RAB22A: variants seen among roughly 807,000 people sequenced by gnomAD.
RAB22A encodes the protein ras-related protein Rab-22A.
In RAB22A, 13 loss-of-function variants were observed where a neutral mutation model predicts 30.2. The observed-to-expected ratio is 0.43, with a 90% CI of 0.28 to 0.68. The LOEUF (loss-of-function observed/expected upper bound fraction) is 0.68. RAB22A is among the 30% of genes least tolerant of loss of function. The pLI is 0.18. For missense variants in RAB22A, 177 were observed against 246.8 expected, an observed-to-expected ratio of 0.72 and a Z score of 1.89; for synonymous variants, 89 against 87.2, an observed-to-expected ratio of 1.02 and a Z score of -0.11.
intron 6 of RAB22A, among the ~76,000 whole-genome samples, chr20:58,356,731 T>C (rs565259364): frequency 6.6e-6 from 1 of 152,344 alleles, no homozygotes; most frequent in South Asian, 2.1e-4. Context: ...TTAAAAACAC[T>C]CTGTTTCCTC....
In RAB22A at chr20:58,366,196, A is replaced by G. The variant is rs570740740; in HGVS notation, c.*6493A>G. ...TTTCTGTGGGCTCTCCCTTAAAGAC[A>G]CATGGCCACAGACACCTCCTTCGCA... On this transcript the variant is annotated 3_prime_UTR_variant, in exon 7 of 7. Coordinates refer to ENST00000244040, the MANE Select transcript of RAB22A (RefSeq NM_020673.3). 4 of 152,258 alleles carry G rather than the reference A, an allele frequency of 2.6e-5. No individual in the cohort carries two copies. The East Asian group carries it at 7.7e-4, about 29-fold the overall frequency. The allele number at this position is 152,258 out of a possible 1,614,324, so 9.4% of individuals were successfully genotyped here. A position where few individuals can be genotyped will look rare whatever the true frequency, so the allele number is the denominator to read the frequency against.
chr20:58,352,385 G>A (rs1387354622), intron 3 of RAB22A, among the ~76,000 whole-genome samples: 1 of 152,158 alleles, frequency 6.6e-6, no homozygotes, highest in Non-Finnish European at 1.5e-5. Flanking sequence ...AGTGTCATCA[G>A]ATCATAAGTA....
intron 1 of RAB22A, 68 bp downstream of exon 1, chr20:58,310,080 C>G (rs1568861720): frequency 1.1e-5 from 13 of 1,230,968 alleles, no homozygotes; most frequent in Non-Finnish European, 1.3e-5. Context: ...CGGATCCCCC[C>G]TGTCCCCTCA....
At position 58,363,882 on chromosome 20, in the gene RAB22A, T is replaced by C. The variant is rs1448099311; in HGVS notation, c.*4179T>C. ...AACAAATTTATCCATGAGATAAACA[T>C]CATATTTTATAGTTTTAGAAAAAAG... On this transcript the variant is annotated 3_prime_UTR_variant, in exon 7 of 7. Coordinates refer to ENST00000244040, the MANE Select transcript of RAB22A (RefSeq NM_020673.3). 6.6e-6 allele frequency: 1 copy of C among 152,448 alleles called. No individual in the cohort carries two copies. The highest frequency in any genetic ancestry group is 1.5e-5 in the Non-Finnish European group (1 of 68,046). The allele number at this position is 152,448 out of a possible 1,614,324, so 9.4% of individuals were successfully genotyped here.
chr20:58,353,593 A>G (rs1015249064), intron 5 of RAB22A, 55 bp downstream of exon 5: 4 of 1,354,318 alleles, frequency 3.0e-6, no homozygotes, highest in Non-Finnish European at 3.1e-6. Flanking sequence ...TTTTCTTAAT[A>G]AGCAATATCC....
intron 2 of RAB22A, among the ~76,000 whole-genome samples, chr20:58,329,449 CG>C (rs932417928): frequency 6.6e-6 from 1 of 152,148 alleles, no homozygotes; most frequent in African/African-American, 2.4e-5. Context: ...TCCTGGCCTT[CG>C]TTGTTTTTGT....
At chr20:58,333,503 G>T (rs891102664) in intron 2 of RAB22A, among the ~76,000 whole-genome samples, 1 of 151,238 alleles carries the variant, frequency 6.6e-6, no homozygotes, top group Non-Finnish European at 1.5e-5. Flanking sequence ...AACACTATTG[G>T]CTTTAAATAT....
At chr20:58,332,427 A>C (rs916528101) in intron 2 of RAB22A, among the ~76,000 whole-genome samples, 21 of 152,188 alleles carry the variant, frequency 1.4e-4, no homozygotes, top group Non-Finnish European at 2.9e-5. Flanking sequence ...ACAGCAGCCA[A>C]GGTGCAAGAA....
At chr20:58,337,005 ATCT>A (rs1292994920) in intron 2 of RAB22A, among the ~76,000 whole-genome samples, 1 of 152,076 alleles carries the variant, frequency 6.6e-6, no homozygotes, top group Non-Finnish European at 1.5e-5. Context: ...GTCCTCGCCC[ATCT>A]TCTCCCTCAA....
intron 2 of RAB22A, among the ~76,000 whole-genome samples, chr20:58,334,177 A>C (rs1332326047): frequency 6.6e-6 from 1 of 152,026 alleles, no homozygotes; most frequent in Non-Finnish European, 1.5e-5. Flanking sequence ...CTAAAAACAC[A>C]AAAAAACATT....
At chr20:58,337,098 A>G (rs2044867669) in intron 2 of RAB22A, among the ~76,000 whole-genome samples, 2 of 152,170 alleles carry the variant, frequency 1.3e-5, no homozygotes, top group South Asian at 2.1e-4. Context: ...GCTTTAACAC[A>G]TCACAGCAAA....
chr20:58,325,833 T>C (rs1986561300), intron 2 of RAB22A, among the ~76,000 whole-genome samples: 1 of 152,236 alleles, frequency 6.6e-6, no homozygotes, highest in South Asian at 2.1e-4. Flanking sequence ...AGTGCTGTGT[T>C]CTCTGAATGG....
At chr20:58,323,193 C>T (rs1205468226) in intron 2 of RAB22A, among the ~76,000 whole-genome samples, 1 of 151,908 alleles carries the variant, frequency 6.6e-6, no homozygotes, top group Non-Finnish European at 1.5e-5. Flanking sequence ...GACATCTTTC[C>T]AAGGGGTTTG....
rs1223824585 is a variant in RAB22A, at chr20:58,361,200, C to G, written c.*1497C>G. ...GAGTATTGTAGGGGAAGGAAATTTA[C>G]AAGATTTAATAGGAAATGAAACAGC... is the stretch of plus-strand genomic sequence containing the variant. On this transcript the variant is annotated 3_prime_UTR_variant, in exon 7 of 7. Transcript: ENST00000244040. The G allele has an allele frequency of 6.6e-6, 1 of 152,502 alleles. No individual in the cohort carries two copies. The highest frequency in any genetic ancestry group is 1.5e-5 in the Non-Finnish European group (1 of 68,008). 9.4% of individuals were successfully genotyped at this position (152,502 alleles called of 1,614,324 possible).
At chr20:58,341,868 G>A (rs1250000296) in intron 2 of RAB22A, among the ~76,000 whole-genome samples, 1 of 152,168 alleles carries the variant, frequency 6.6e-6, no homozygotes, top group East Asian at 1.9e-4. Flanking sequence ...CAAAATGGAA[G>A]TGTTGGATGT....
Position 58,325,358 on chromosome 20 carries a change from T to C in RAB22A, c.116+14236T>C, listed in dbSNP as rs182565276. On this transcript the variant is annotated intron_variant, in intron 2 of 6. Coordinates refer to ENST00000244040, the MANE Select transcript of RAB22A (RefSeq NM_020673.3). ...TGGGTGTGGTGGTACATGCCTGTAATCCCAGCTACTGGGGAGGCTGAGGCA... is the reference window on the plus strand; with the variant it reads ...TGGGTGTGGTGGTACATGCCTGTAACCCCAGCTACTGGGGAGGCTGAGGCA... 7.3e-3 allele frequency among the ~76,000 whole-genome samples: 1,107 copies of C among 152,092 alleles called. 13 individuals are homozygous for C. The highest frequency in any genetic ancestry group is 0.025 in the African/African-American group (1,051 of 41,492).
In RAB22A at chr20:58,309,981, C is replaced by T. The variant is rs1204562790; in HGVS notation, c.5C>T (p.Ala2Val). The stretch of plus-strand genomic sequence containing the variant: ...CGCGCCCCTGGCTCCCGGGCCATGG[C>T]GCTGAGGGAGCTCAAAGTGTGTCTG... M[A>V]LRELKVCLLG... The change falls in exon 1 of 7, where the codon GCG becomes GTG. Residue 2 changes from alanine to valine, a missense_variant. Transcript: ENST00000244040. 4 of 1,272,226 alleles carry T rather than the reference C, an allele frequency of 3.1e-6. No individual in the cohort carries two copies. The highest frequency in any genetic ancestry group is 3.1e-5 in the African/African-American group (2 of 64,772). The allele number at this position is 1,272,226 out of a possible 1,614,324, so 78.8% of individuals were successfully genotyped here.
At chr20:58,335,573 A>G (rs1986735293) in intron 2 of RAB22A, among the ~76,000 whole-genome samples, 1 of 152,218 alleles carries the variant, frequency 6.6e-6, no homozygotes, top group East Asian at 1.9e-4. Context: ...GAAACTGTAT[A>G]TGCATGTGCT....
chr20:58,353,926 G>A (rs1987093863), intron 5 of RAB22A, among the ~76,000 whole-genome samples: 1 of 152,154 alleles, frequency 6.6e-6, no homozygotes, highest in South Asian at 2.1e-4. Context: ...AGAAAACCCT[G>A]CCATCCCTAA....
Sources: allele counts gnomAD v4.1 joint callset (sites outside exome capture counted in the v4.1 genomes callset), GRCh38; gene constraint gnomAD v4.1.1; transcripts MANE v1.5; gene names NCBI Gene and HGNC (gene_info 2026-07-23, HGNC 2026-07-21).